GEN1: variants seen among roughly 807,000 people sequenced by gnomAD.
GEN1 encodes GEN1 structure-specific endonuclease.
A neutral mutation model predicts 67.6 loss-of-function variants in GEN1; 64 were observed. That is an observed-to-expected ratio of 0.95 (90% CI 0.77 to 1.17). The LOEUF is 1.17. Ranked by LOEUF, GEN1 falls within the 50% of genes most tolerant of loss-of-function variation. The pLI, the probability that GEN1 is intolerant of heterozygous loss-of-function variation, is 0.00. For synonymous variants in GEN1, 371 were observed against 359.4 expected (o/e 1.03, Z -0.37); for missense variants, 1,058 against 1,048.3 (o/e 1.01, Z -0.13).
rs779266008 is a variant in GEN1, at chr2:17,781,791, C to A, written c.2579C>A (p.Ala860Asp). The change falls in exon 14 of 14, where the codon GCT (alanine) becomes GAT (aspartate). Residue 860 changes from alanine (A) to aspartate (D), a missense_variant. Ala to Asp is a moderately radical substitution (Grantham distance 126, BLOSUM62 -2). Transcript: ENST00000381254. ...CAGTGTGTCAGATCTTATGAAACAG[C>A]TGAAAATGAAGAAAGCTGTTTCCCA... Reference protein sequence around the residue: ...TEQCVRSYETAENEESCFPDS... With the variant: ...TEQCVRSYETDENEESCFPDS... 1.4e-5 allele frequency: 22 copies of A among 1,612,594 alleles called. No homozygotes were observed. In the South Asian group the frequency reaches 2.3e-4, roughly 17 times the overall value.
In GEN1 at chr2:17,781,454, TATAAAGTCA is replaced by T; in HGVS notation, c.2246_2254del (p.Lys749_Asn751del). 6.2e-7 allele frequency: 1 copy of T among 1,613,626 alleles called. No homozygotes were observed. Among genetic ancestry groups the T allele is most frequent in the Non-Finnish European group, 8.5e-7 (1 of 1,179,894 alleles). On this transcript the variant is annotated inframe_deletion, in exon 14 of 14. Transcript: ENST00000381254. ...AGGAGACCAGCTGCTTCAAGAAGACTATAAAGTCAATACTTCTGTCCCTTATTCTGTCAG... is the reference window on the plus strand; with the variant it reads ...AGGAGACCAGCTGCTTCAAGAAGACTATACTTCTGTCCCTTATTCTGTCAG...
At chr2:17,755,517 G>GA (rs1230120928) in intron 1 of GEN1, 10 of 152,040 alleles carry the variant, frequency 6.6e-5, no homozygotes, top group Non-Finnish European at 1.0e-4. Flanking sequence ...AAATAAAATT[G>GA]AAAAAATAAT....
At chr2:17,773,398 A>G (rs1448857780) in intron 10 of GEN1, 99 bp downstream of exon 10, 4 of 701,286 alleles carry the variant, frequency 5.7e-6, no homozygotes, top group Admixed American at 3.0e-5. Flanking sequence ...GTTTAAAATT[A>G]AAACAGGCAG....
chr2:17,755,088 G>C (rs994463388), intron 1 of GEN1: 4 of 152,202 alleles, frequency 2.6e-5, no homozygotes, highest in African/African-American at 7.2e-5. Flanking sequence ...TTACATCAAA[G>C]TCACTTTTTA....
rs1401341700 is a variant in GEN1 at position 17,764,967 on chromosome 2, C to G, written c.419C>G (p.Ala140Gly). Residue 140 changes from alanine to glycine, a missense_variant, in exon 4 of 14, where the codon GCT (alanine) becomes GGT (glycine). Physicochemically the swap from Ala to Gly is moderately conservative, Grantham distance 60 (BLOSUM62 0). Coordinates refer to ENST00000381254, the MANE Select transcript of GEN1 (RefSeq NM_001130009.3). The part of the protein sequence containing the change: ...QAAGEAEAMC[A>G]YLNAGGHVDG... ...GCTGGGGAAGCTGAAGCCATGTGTG[C>G]TTATCTCAATGCTGGTGGTCATGTC... 1 of 1,614,030 alleles carries G rather than the reference C, an allele frequency of 6.2e-7. No homozygotes were observed. Among genetic ancestry groups the G allele is most frequent in the African/African-American group, 1.3e-5 (1 of 74,924 alleles).
intron 3 of GEN1, among the ~76,000 whole-genome samples, chr2:17,762,461 C>T (rs143565128): frequency 1.7e-3 from 261 of 152,118 alleles, no homozygotes; most frequent in African/African-American, 5.9e-3. Flanking sequence ...CCTGCCTCGG[C>T]CTCCTGAAGT....
At chr2:17,770,090 A>G (rs1303298961) in intron 6 of GEN1, among the ~76,000 whole-genome samples, 1 of 152,190 alleles carries the variant, frequency 6.6e-6, no homozygotes, top group Non-Finnish European at 1.5e-5. Context: ...GAAAGGTATA[A>G]TTTGGCCTGG....
rs1420015727 is a variant in GEN1 at position 17,782,808 on chromosome 2, C to T, written c.*869C>T. 6.6e-6 allele frequency: 1 copy of T among 152,094 alleles called. No homozygotes were observed. Among genetic ancestry groups the T allele is most frequent in the East Asian group, 1.9e-4 (1 of 5,198 alleles). The allele number at this position is 152,094 out of a possible 1,614,324, so 9.4% of individuals were successfully genotyped here. A position where few individuals can be genotyped will look rare whatever the true frequency, so the allele number is the denominator to read the frequency against. On this transcript the variant is annotated 3_prime_UTR_variant, in exon 14 of 14. Coordinates refer to ENST00000381254, the MANE Select transcript of GEN1 (RefSeq NM_001130009.3). ...TTTTTCCTTCTATAGCACTTTTCCCCCTTTTGTTTTGAATCTATGCAATAT... is the reference window on the plus strand; with the variant it reads ...TTTTTCCTTCTATAGCACTTTTCCCTCTTTTGTTTTGAATCTATGCAATAT...
At chr2:17,759,698 C>T (rs1365908928) in intron 1 of GEN1, among the ~76,000 whole-genome samples, 1 of 152,022 alleles carries the variant, frequency 6.6e-6, no homozygotes, top group Non-Finnish European at 1.5e-5. Flanking sequence ...TCCTTGCATT[C>T]GCTACCGATC....
At position 17,772,664 on chromosome 2, in the gene GEN1, G is replaced by T; in HGVS notation, c.833G>T (p.Cys278Phe). The T allele has an allele frequency of 6.2e-7, 1 of 1,611,710 alleles. No homozygotes were observed. Among genetic ancestry groups the T allele is most frequent in the Non-Finnish European group, 8.5e-7 (1 of 1,178,550 alleles). ...GSPKDHERNG[C>F]RLCKSDKYCE... is the part of the protein sequence containing the mutation. ...CCTAAGGATCATGAACGTAATGGAT[G>T]CAGATTATGTAAAAGTGATAAATAT... The change falls in exon 8 of 14, where the codon TGC (cysteine) becomes TTC (phenylalanine). Residue 278 changes from cysteine (C) to phenylalanine (F), a missense_variant. Transcript: ENST00000381254.
At chr2:17,778,209 T>TAC (rs1672559291) in intron 12 of GEN1, 146 bp downstream of exon 12, 4 of 229,894 alleles carry the variant, frequency 1.7e-5, no homozygotes, top group African/African-American at 1.5e-4. Flanking sequence ...TATATGTGTA[T>TAC]ATATATGTAT....
chr2:17,774,716 C>T (rs577395225), intron 11 of GEN1, among the ~76,000 whole-genome samples: 30 of 151,860 alleles, frequency 2.0e-4, no homozygotes, highest in Middle Eastern at 6.8e-3. Context: ...GGAACTAAAA[C>T]TGGTTTTGCA....
Position 17,787,875 on chromosome 2 carries a change from G to C in GEN1, c.*5936G>C, listed in dbSNP as rs1673107717. On this transcript the variant is annotated 3_prime_UTR_variant, in exon 14 of 14. Transcript: ENST00000381254. ...GGAGGCGGAGGTTGCAGTGAGCTGA[G>C]ACCGTGCCATTGCACTCTAGCCTGG... 6.6e-6 allele frequency: 1 copy of C among 152,536 alleles called. No homozygotes were observed. The allele number at this position is 152,536 out of a possible 1,614,324, so 9.4% of individuals were successfully genotyped here.
At chr2:17,777,601 A>T (rs1012440754) in intron 11 of GEN1, among the ~76,000 whole-genome samples, 6 of 152,198 alleles carry the variant, frequency 3.9e-5, no homozygotes, top group Admixed American at 2.0e-4. Flanking sequence ...GACAGATTAT[A>T]TTGGATAAGT....
intron 11 of GEN1, among the ~76,000 whole-genome samples, chr2:17,776,115 C>T (rs1355587122): frequency 1.2e-5 from 1 of 80,694 alleles, no homozygotes; most frequent in South Asian, 4.2e-4. Context: ...GACCCTGTCT[C>T]AAAAAAAAAA....
intron 3 of GEN1, 48 bp downstream of exon 3, chr2:17,761,630 G>A: frequency 7.8e-7 from 1 of 1,279,820 alleles, no homozygotes; most frequent in Non-Finnish European, 1.1e-6. Context: ...ATTAAAGGGT[G>A]CATTTTACTC....
chr2:17,760,763 TA>T lies in GEN1; in HGVS notation c.162-624del, dbSNP rs1394682401. ...GGAGAAACCCCATCTCTACTAAAAATAAAAAAAAATTAGCTGGGTGTGGTGG... is the reference window on the plus strand; with the variant it reads ...GGAGAAACCCCATCTCTACTAAAAATAAAAAAAATTAGCTGGGTGTGGTGG... On this transcript the variant is annotated intron_variant, in intron 2 of 13. Coordinates refer to ENST00000381254, the MANE Select transcript of GEN1 (RefSeq NM_001130009.3). Among the ~76,000 whole-genome samples the T allele has an allele frequency of 4.0e-5, 6 of 150,332 alleles. No homozygotes were observed. In the East Asian group the frequency reaches 9.8e-4, roughly 24 times the overall value.
At position 17,768,807 on chromosome 2, in the gene GEN1, C is replaced by T; in HGVS notation, c.706C>T (p.Gln236Ter). The part of the protein sequence containing the change: ...IQILKGQSLL[Q>*]RFNRWNETSC... ...GATTTTGAAAGGGCAAAGTTTACTT[C>T]AGAGGTAACTAATAATTACTTTCTC... Residue 236 changes from glutamine (Q) to a stop codon, truncating the protein, a stop_gained, in exon 6 of 14, where the codon CAG becomes TAG. Transcript: ENST00000381254. LOFTEE classifies it high-confidence loss of function. 1.3e-6 allele frequency: 2 copies of T among 1,582,244 alleles called. No individual in the cohort carries two copies. The highest frequency in any genetic ancestry group is 1.7e-6 in the Non-Finnish European group (2 of 1,152,164).
In GEN1 at chr2:17,787,785, G is replaced by A. The variant is rs1001804674; in HGVS notation, c.*5846G>A. The A allele has an allele frequency of 2.0e-5, 3 of 152,270 alleles. No homozygotes were observed. Among genetic ancestry groups the A allele is most frequent in the African/African-American group, 7.2e-5 (3 of 41,448 alleles). The allele number at this position is 152,270 out of a possible 1,614,324, so 9.4% of individuals were successfully genotyped here. ...CAAAAAATACAAAAATTAGCCGGGT[G>A]TGGTGATGGGTACCTGTAATCCCAC... is the stretch of plus-strand genomic sequence containing the variant. On this transcript the variant is annotated 3_prime_UTR_variant, in exon 14 of 14. Coordinates refer to ENST00000381254, the MANE Select transcript of GEN1 (RefSeq NM_001130009.3).
Sources: gnomAD v4.1 joint callset for allele counts (sites outside exome capture counted in the v4.1 genomes callset) on GRCh38, gnomAD v4.1.1 for gene constraint, MANE v1.5 for transcripts, NCBI Gene and HGNC (gene_info 2026-07-23, HGNC 2026-07-21) for gene names.